Variants in VPS18 observed in about 807,000 individuals in gnomAD.
The protein encoded by VPS18 is vacuolar protein sorting-associated protein 18 homolog.
A neutral mutation model predicts 82.0 loss-of-function variants in VPS18; 25 were observed. The observed-to-expected ratio is 0.30, with a 90% CI of 0.22 to 0.43. The LOEUF (loss-of-function observed/expected upper bound fraction) is 0.43. Among genes scored for constraint, VPS18 ranks in the 20% least tolerant of loss-of-function variants. The pLI, the probability that VPS18 is intolerant of heterozygous loss-of-function variation, is 1.00. For synonymous variants in VPS18, 523 were observed against 543.0 expected (o/e 0.96, Z 0.51); for missense variants, 1,168 against 1,311.1 (o/e 0.89, Z 1.69).
chr15:40,903,096 G>A lies in VPS18; in HGVS notation c.2677G>A (p.Ala893Thr), dbSNP rs777329621. The A allele has an allele frequency of 6.2e-7, 1 of 1,613,476 alleles. No homozygotes were observed. The highest frequency in any genetic ancestry group is 8.5e-7 in the Non-Finnish European group (1 of 1,179,636). The change falls in exon 5 of 5, where the codon GCC becomes ACC. Residue 893 changes from alanine (A) to threonine (T), a missense_variant. By Grantham distance (58) the Ala-to-Thr change is moderately conservative (BLOSUM62 0). Around this residue, in one of 3 missense-constraint regions of VPS18, gnomAD observed 296 missense variants for 354.0 expected, o/e 0.84. Transcript: ENST00000220509. The part of the protein sequence containing the change: ...VRPGLPAYKQ[A>T]RLEELQRKLG... ...ACCTGGCCTGCCAGCCTACAAGCAG[G>A]CCCGGCTGGAGGAGCTGCAGAGGAA...
intron 2 of VPS18, among the ~76,000 whole-genome samples, chr15:40,897,463 T>C (rs1892249038): frequency 6.6e-6 from 1 of 152,198 alleles, no homozygotes; most frequent in Non-Finnish European, 1.5e-5. Context: ...ATTTTTATAA[T>C]GACAGCAACA....
rs1390868447 is a variant in VPS18 at position 40,902,920 on chromosome 15, G to A, written c.2501G>A (p.Arg834Gln). 2 of 1,614,242 alleles carry A rather than the reference G, an allele frequency of 1.2e-6. No individual in the cohort carries two copies. The highest frequency in any genetic ancestry group is 1.1e-5 in the South Asian group (1 of 91,092). Residue 834 changes from arginine (R) to glutamine (Q), a missense_variant, in exon 5 of 5, where the codon CGG becomes CAG. Around this residue, in one of 3 missense-constraint regions of VPS18, gnomAD observed 296 missense variants for 354.0 expected, o/e 0.84. Transcript: ENST00000220509. This position sits in a 1 kb window ranked among gnomAD's most constrained non-coding sequence, Gnocchi z 4.2. ...EEATASAQRI[R>Q]RDLQELRGRY... ...GCTACAGCCAGTGCCCAGCGCATCC[G>A]GCGAGACCTGCAGGAGCTGCGGGGC...
chr15:40,900,688 C>G lies in VPS18; in HGVS notation c.1870C>G (p.Arg624Gly). The change falls in exon 4 of 5, where the codon CGT becomes GGT. Residue 624 changes from arginine (R) to glycine (G), a missense_variant. Physicochemically the swap from Arg to Gly is moderately radical, Grantham distance 125. Around this residue, in one of 3 missense-constraint regions of VPS18, gnomAD observed 868 missense variants for 939.8 expected, o/e 0.92. Transcript: ENST00000220509. This position sits in a 1 kb window ranked among gnomAD's most constrained non-coding sequence, Gnocchi z 5.4. Reference sequence around the variant, plus strand: ...TGAGATGGGCAGCCGGCTGGATGCTCGTCAGCTCATTCCTGCCCTGGTGAA... The same window carrying G: ...TGAGATGGGCAGCCGGCTGGATGCTGGTCAGCTCATTCCTGCCCTGGTGAA... ...WIEMGSRLDARQLIPALVNYS... is the reference protein window; with the variant it reads ...WIEMGSRLDAGQLIPALVNYS... 1.2e-6 allele frequency: 2 copies of G among 1,614,200 alleles called. No individual in the cohort carries two copies. The highest frequency in any genetic ancestry group is 1.7e-6 in the Non-Finnish European group (2 of 1,180,038).
chr15:40,895,905 A>G, intron 1 of VPS18, 33 bp from the exon 2 acceptor site: 1 of 1,613,360 alleles, frequency 6.2e-7, no homozygotes, highest in African/African-American at 1.3e-5. Flanking sequence ...TGTCTCTTCC[A>G]CAGCTAATCT....
At position 40,895,954 on chromosome 15, in the gene VPS18, G is replaced by C. The variant is rs1892222405; in HGVS notation, c.108G>C (p.Gln36His). ...TACCTGTAGGGTATGTGAATGCCCA[G>C]CTGGAGAAGGAAGTGCCCATCTTCA... ...GIPHSGYVNAQLEKEVPIFTK... is the reference protein window; with the variant it reads ...GIPHSGYVNAHLEKEVPIFTK... The change falls in exon 2 of 5, where the codon CAG becomes CAC. Residue 36 changes from glutamine (Q) to histidine (H), a missense_variant. Around this residue, in one of 3 missense-constraint regions of VPS18, gnomAD observed 868 missense variants for 939.8 expected, o/e 0.92. Coordinates refer to ENST00000220509, the MANE Select transcript of VPS18 (RefSeq NM_020857.3). 1 of 1,614,184 alleles carries C rather than the reference G, an allele frequency of 6.2e-7. No individual in the cohort carries two copies. Among genetic ancestry groups the C allele is most frequent in the African/African-American group, 1.3e-5 (1 of 75,044 alleles).
chr15:40,902,528 G>C lies in VPS18; in HGVS notation c.2197-88G>C. ...CCAGGAGTGCTGGGAATCCTGCCTC[G>C]GGGCCTCTCCTCGGCCATCTCTCTC... On this transcript the variant is annotated intron_variant, in intron 4 of 4. Transcript: ENST00000220509. This position sits in a 1 kb window ranked among gnomAD's most constrained non-coding sequence, Gnocchi z 4.2. 1.3e-6 allele frequency: 2 copies of C among 1,497,648 alleles called. No homozygotes were observed. The highest frequency in any genetic ancestry group is 2.2e-5 in the Admixed American group (1 of 45,914). 92.8% of individuals were successfully genotyped at this position (1,497,648 alleles called of 1,614,324 possible). A position where few individuals can be genotyped will look rare whatever the true frequency, so the allele number is the denominator to read the frequency against.
In VPS18 at chr15:40,902,485, C is replaced by T. The variant is rs180978650; in HGVS notation, c.2197-131C>T. ...AGTAGCTTTTACATAGCTGTGGCAG[C>T]GGCAGGCCCCCTTGCTTCCAGGAGT... is the stretch of plus-strand genomic sequence containing the variant. On this transcript the variant is annotated intron_variant, in intron 4 of 4. Transcript: ENST00000220509. This position sits in a 1 kb window ranked among gnomAD's most constrained non-coding sequence, Gnocchi z 4.2. The T allele has an allele frequency of 2.1e-4, 267 of 1,258,812 alleles. 2 individuals carry two copies. The East Asian group carries it at 5.1e-3, about 24-fold the overall frequency. The allele number at this position is 1,258,812 out of a possible 1,614,324, so 78.0% of individuals were successfully genotyped here. A position where few individuals can be genotyped will look rare whatever the true frequency, so the allele number is the denominator to read the frequency against.
chr15:40,898,789 G>A, intron 2 of VPS18, 118 bp from the exon 3 acceptor site: 1 of 1,092,526 alleles, frequency 9.2e-7, no homozygotes, highest in Non-Finnish European at 1.3e-6. Flanking sequence ...AGCATTTTAT[G>A]CATAGATGTA....
At position 40,902,789 on chromosome 15, in the gene VPS18, C is replaced by G. The variant is rs778347767; in HGVS notation, c.2370C>G (p.Pro790=). ...TGCTCAAGATTGAGGATGTGCTGCC[C>G]TTCTTTCCTGATTTCGTCACCATCG... The part of the protein sequence containing the change: ...CPLLKIEDVL[P]FFPDFVTIDH... The change falls in exon 5 of 5, where the codon CCC becomes CCG. Residue 790 remains proline, a synonymous_variant. Coordinates refer to ENST00000220509, the MANE Select transcript of VPS18 (RefSeq NM_020857.3). This position sits in a 1 kb window ranked among gnomAD's most constrained non-coding sequence, Gnocchi z 4.2. The G allele has an allele frequency of 1.1e-5, 17 of 1,614,134 alleles. No individual in the cohort carries two copies. Among genetic ancestry groups the G allele is most frequent in the Middle Eastern group, 1.6e-4 (1 of 6,084 alleles).
Position 40,903,046 on chromosome 15 carries a change from C to T in VPS18, c.2627C>T (p.Ala876Val). 1.2e-6 allele frequency: 2 copies of T among 1,614,282 alleles called. No homozygotes were observed. Among genetic ancestry groups the T allele is most frequent in the Non-Finnish European group, 8.5e-7 (1 of 1,180,058 alleles). Residue 876 changes from alanine to valine, a missense_variant, in exon 5 of 5, where the codon GCT becomes GTT. Around this residue, in one of 3 missense-constraint regions of VPS18, gnomAD observed 296 missense variants for 354.0 expected, o/e 0.84. Coordinates refer to ENST00000220509, the MANE Select transcript of VPS18 (RefSeq NM_020857.3). ...TTCCTCTGTGGCCATATGTTCCATG[C>T]TGACTGCCTGCTGCAGGCTGTGCGA... ...YLFLCGHMFH[A>V]DCLLQAVRPG...
Position 40,894,539 on chromosome 15 carries a change from G to A in VPS18, c.-230G>A. 1 of 409,706 alleles carries A rather than the reference G, an allele frequency of 2.4e-6. No individual in the cohort carries two copies. The highest frequency in any genetic ancestry group is 3.7e-5 in the East Asian group (1 of 27,384). 25.4% of individuals were successfully genotyped at this position (409,706 alleles called of 1,614,324 possible). On this transcript the variant is annotated 5_prime_UTR_variant, in exon 1 of 5. Transcript: ENST00000220509. ...TTTTTGTAGCGGGGGCGGGGAGTAA[G>A]GTGCAAGACTGCGCCAGATTCAAGG...
At position 40,895,959 on chromosome 15, in the gene VPS18, A is replaced by G; in HGVS notation, c.113A>G (p.Glu38Gly). The G allele has an allele frequency of 6.2e-7, 1 of 1,614,154 alleles. No individual in the cohort carries two copies. Among genetic ancestry groups the G allele is most frequent in the Non-Finnish European group, 8.5e-7 (1 of 1,180,018 alleles). The change falls in exon 2 of 5, where the codon GAG (glutamate) becomes GGG (glycine). Residue 38 changes from glutamate to glycine, a missense_variant. This residue lies in a region of VPS18 where 868 missense variants were observed against 939.8 expected (regional missense o/e 0.92). Transcript: ENST00000220509. ...PHSGYVNAQL[E>G]KEVPIFTKQR... ...GTAGGGTATGTGAATGCCCAGCTGG[A>G]GAAGGAAGTGCCCATCTTCACAAAG... is the stretch of plus-strand genomic sequence containing the variant.
Position 40,900,688 on chromosome 15 carries a change from C to A in VPS18, c.1870C>A (p.Arg624Ser), listed in dbSNP as rs186884776. The A allele has an allele frequency of 2.5e-6, 4 of 1,614,082 alleles. No homozygotes were observed. In the East Asian group the frequency reaches 8.9e-5, roughly 36 times the overall value. ...TGAGATGGGCAGCCGGCTGGATGCT[C>A]GTCAGCTCATTCCTGCCCTGGTGAA... ...WIEMGSRLDARQLIPALVNYS... is the reference protein window; with the variant it reads ...WIEMGSRLDASQLIPALVNYS... The change falls in exon 4 of 5, where the codon CGT (arginine) becomes AGT (serine). Residue 624 changes from arginine to serine, a missense_variant. Coordinates refer to ENST00000220509, the MANE Select transcript of VPS18 (RefSeq NM_020857.3). The surrounding 1 kb of genome is among the most constrained non-coding windows in gnomAD (Gnocchi z 5.4).
chr15:40,903,192 G>T lies in VPS18; in HGVS notation c.2773G>T (p.Ala925Ser). 1.4e-5 allele frequency: 22 copies of T among 1,609,220 alleles called. No individual in the cohort carries two copies. Among genetic ancestry groups the T allele is most frequent in the Non-Finnish European group, 1.8e-5 (21 of 1,177,726 alleles). ...GGAGGCCGAGGGTGGGGCTGCCACG[G>T]CAGGGCCCAGCCGGGAACAGCTCAA... ...AKEAEGGAAT[A>S]GPSREQLKAD... The change falls in exon 5 of 5, where the codon GCA becomes TCA. Residue 925 changes from alanine (A) to serine (S), a missense_variant. Physicochemically the swap from Ala to Ser is moderately conservative, Grantham distance 99. This residue lies in a region of VPS18 where 296 missense variants were observed against 354.0 expected (regional missense o/e 0.84). Transcript: ENST00000220509.
chr15:40,895,197 G>GC (rs1050652211), intron 1 of VPS18, among the ~76,000 whole-genome samples: 5 of 152,168 alleles, frequency 3.3e-5, no homozygotes, highest in African/African-American at 1.2e-4. Flanking sequence ...TTCCCACCAG[G>GC]CCCCTTCTGG....
chr15:40,901,113 C>T, intron 4 of VPS18, 99 bp downstream of exon 4: 1 of 1,335,422 alleles, frequency 7.5e-7, no homozygotes, highest in Non-Finnish European at 1.0e-6. Context: ...AGGGTGCTGG[C>T]TTCCCTTGCA....
Position 40,899,920 on chromosome 15 carries a change from C to A in VPS18, c.1102C>A (p.His368Asn), listed in dbSNP as rs1263536355. The A allele has an allele frequency of 6.2e-6, 10 of 1,612,714 alleles. No individual in the cohort carries two copies. Among genetic ancestry groups the A allele is most frequent in the Non-Finnish European group, 8.5e-6 (10 of 1,180,042 alleles). The change falls in exon 4 of 5, where the codon CAC becomes AAC. Residue 368 changes from histidine to asparagine, a missense_variant. By Grantham distance (68) the His-to-Asn change is moderately conservative. Around this residue, in one of 3 missense-constraint regions of VPS18, gnomAD observed 868 missense variants for 939.8 expected, o/e 0.92. Coordinates refer to ENST00000220509, the MANE Select transcript of VPS18 (RefSeq NM_020857.3). The surrounding 1 kb of genome is among the most constrained non-coding windows in gnomAD (Gnocchi z 4.4). ...HFLEKFGPLK[H>N]MVKDSSTGQL... ...CCTGGAGAAATTTGGGCCGCTGAAG[C>A]ACATGGTGAAGGACTCCTCCACAGG... is the stretch of plus-strand genomic sequence containing the variant.
chr15:40,901,652 T>C (rs1210074636), intron 4 of VPS18, among the ~76,000 whole-genome samples: 1 of 150,698 alleles, frequency 6.6e-6, no homozygotes, highest in Non-Finnish European at 1.5e-5. Flanking sequence ...ATGCCTATAA[T>C]CCCAGCACTT....
At position 40,899,242 on chromosome 15, in the gene VPS18, G is replaced by A; in HGVS notation, c.424G>A (p.Val142Met). Residue 142 changes from valine to methionine, a missense_variant, in exon 4 of 5, where the codon GTG becomes ATG. By Grantham distance (21) the Val-to-Met change is conservative. Around this residue, in one of 3 missense-constraint regions of VPS18, gnomAD observed 868 missense variants for 939.8 expected, o/e 0.92. Coordinates refer to ENST00000220509, the MANE Select transcript of VPS18 (RefSeq NM_020857.3). This position sits in a 1 kb window ranked among gnomAD's most constrained non-coding sequence, Gnocchi z 4.4. ...RPLARWKGQL[V>M]ESVGWNKALG... ...ACTAGCACGCTGGAAGGGGCAGCTG[G>A]TGGAGAGTGTGGGTTGGAACAAGGC... The A allele has an allele frequency of 6.2e-7, 1 of 1,614,254 alleles. No individual in the cohort carries two copies. Among genetic ancestry groups the A allele is most frequent in the Admixed American group, 1.7e-5 (1 of 60,034 alleles).
Sources: gnomAD v4.1 joint callset for allele counts (sites outside exome capture counted in the v4.1 genomes callset) on GRCh38, gnomAD v4.1.1 for gene constraint, gnomAD v4.1.1 regional missense constraint, Gnocchi (gnomAD v3.1) non-coding constraint, MANE v1.5 for transcripts, NCBI Gene and HGNC (gene_info 2026-07-23, HGNC 2026-07-21) for gene names.